SAMD3: variants seen among roughly 807,000 people sequenced by gnomAD.
SAMD3 encodes the protein sterile alpha motif domain-containing protein 3.
In SAMD3, 63 loss-of-function variants were observed where a neutral mutation model predicts 58.5. The observed-to-expected ratio is 1.08, with a 90% CI of 0.88 to 1.33. The LOEUF is 1.33. Ranked by LOEUF, SAMD3 falls within the 40% of genes most tolerant of loss-of-function variation. The pLI is 0.00. For missense variants in SAMD3, 604 were observed against 608.4 expected (o/e 0.99, Z 0.08); for synonymous variants, 220 against 210.3 (o/e 1.05, Z -0.40).
intron 5 of SAMD3, among the ~76,000 whole-genome samples, chr6:130,189,103 C>CAAAAAAAAA (rs71028200): frequency 7.2e-6 from 1 of 138,506 alleles, no homozygotes; most frequent in Non-Finnish European, 1.6e-5. Context: ...TTAAAAAAAC[C>CAAAAAAAAA]AAAAAAAAAA....
chr6:130,348,195 C>T (rs1207328212), intron 1 of SAMD3, among the ~76,000 whole-genome samples: 1 of 152,058 alleles, frequency 6.6e-6, no homozygotes, highest in Non-Finnish European at 1.5e-5. Flanking sequence ...CCAGTTAACA[C>T]CATAATGGCA....
chr6:130,294,626 ATTT>A (rs3029966), intron 2 of SAMD3, among the ~76,000 whole-genome samples: 2,259 of 146,196 alleles, frequency 0.015, 18 homozygotes, highest in Non-Finnish European at 0.02. Flanking sequence ...GCAAGGATTA[ATTT>A]TTTTTTTTTT....
chr6:130,211,276 ATTTTTT>A (rs762531402), intron 4 of SAMD3, among the ~76,000 whole-genome samples: 2,486 of 93,700 alleles, frequency 0.027, 57 homozygotes, highest in African/African-American at 0.097. Flanking sequence ...GCCAATCAGA[ATTTTTT>A]TTTTTTTTTT....
intron 2 of SAMD3, among the ~76,000 whole-genome samples, chr6:130,257,778 T>C (rs2114917995): frequency 6.6e-6 from 1 of 152,190 alleles, no homozygotes; most frequent in East Asian, 1.9e-4. Context: ...ACCCAGCAAA[T>C]AAACAATAAG....
intron 7 of SAMD3, among the ~76,000 whole-genome samples, chr6:130,182,564 G>C: frequency 6.7e-6 from 1 of 149,460 alleles, no homozygotes; most frequent in Non-Finnish European, 1.5e-5. Flanking sequence ...GGAAGGGAGG[G>C]AGAGAGGGAG....
rs939139872 is a variant in SAMD3 at position 130,262,668 on chromosome 6, A to G, written c.-187-39855T>C. On this transcript the variant is annotated intron_variant, in intron 2 of 13. Coordinates refer to the SAMD3 transcript ENST00000368134. ...AATTAGGCCTCCTAAATGTAAAACT[A>G]TTAAAGAAACAGTTTATGTGCAAGG... 3.7e-4 allele frequency among the ~76,000 whole-genome samples: 57 copies of G among 152,294 alleles called. 1 individual carries two copies. The highest frequency in any genetic ancestry group is 1.3e-3 in the African/African-American group (54 of 41,586).
intron 2 of SAMD3, among the ~76,000 whole-genome samples, chr6:130,310,083 A>G (rs1776092492): frequency 6.6e-6 from 1 of 152,234 alleles, no homozygotes; most frequent in Non-Finnish European, 1.5e-5. Context: ...AAAATAAAAG[A>G]AGAATCGTGT....
intron 7 of SAMD3, among the ~76,000 whole-genome samples, chr6:130,177,762 G>A (rs759721553): frequency 6.6e-6 from 1 of 151,144 alleles, no homozygotes; most frequent in Non-Finnish European, 1.5e-5. Context: ...CTTTCCTCTA[G>A]GCTATAAGCA....
At chr6:130,237,929 G>C (rs1481628401) in intron 2 of SAMD3, among the ~76,000 whole-genome samples, 2 of 152,072 alleles carry the variant, frequency 1.3e-5, no homozygotes, top group Non-Finnish European at 2.9e-5. Context: ...TCAATTCCAA[G>C]TCTAGGAAAC....
chr6:130,183,809 G>A (rs1335053452), intron 7 of SAMD3, among the ~76,000 whole-genome samples: 4 of 151,946 alleles, frequency 2.6e-5, no homozygotes, highest in Non-Finnish European at 4.4e-5. Flanking sequence ...TATGAAAAAG[G>A]GAAGACAAGG....
intron 2 of SAMD3, among the ~76,000 whole-genome samples, chr6:130,243,070 T>C (rs1773418562): frequency 6.6e-6 from 1 of 152,130 alleles, no homozygotes; most frequent in Admixed American, 6.6e-5. Context: ...CCTCCCAAAG[T>C]TGTTCCCCCG....
chr6:130,187,161 T>C (rs1245489595), intron 5 of SAMD3, among the ~76,000 whole-genome samples: 1 of 152,182 alleles, frequency 6.6e-6, no homozygotes, highest in Non-Finnish European at 1.5e-5. Flanking sequence ...CCAGTGATTT[T>C]CAAGTAGCTA....
chr6:130,170,716 T>C (rs1562391915), intron 8 of SAMD3, among the ~76,000 whole-genome samples: 1 of 152,220 alleles, frequency 6.6e-6, no homozygotes. Flanking sequence ...CAGTCGCAAA[T>C]GGGAGTTCAC....
chr6:130,292,119 C>T (rs1297568758), intron 2 of SAMD3, among the ~76,000 whole-genome samples: 1 of 152,068 alleles, frequency 6.6e-6, no homozygotes, highest in Non-Finnish European at 1.5e-5. Flanking sequence ...GAGCTGGCCA[C>T]CAAGGAAGGC....
chr6:130,201,070 T>C (rs1000743709), intron 5 of SAMD3, among the ~76,000 whole-genome samples: 1 of 152,168 alleles, frequency 6.6e-6, no homozygotes. Flanking sequence ...GTCCTGTTGA[T>C]TTTATATTTA....
chr6:130,339,683 C>T (rs184941885), intron 1 of SAMD3, among the ~76,000 whole-genome samples: 36 of 152,242 alleles, frequency 2.4e-4, no homozygotes, highest in East Asian at 1.9e-3. Flanking sequence ...TGAGAATGGA[C>T]GAAATCCACA....
chr6:130,224,607 A>ATTATTG (rs1350916986), upstream of SAMD3, among the ~76,000 whole-genome samples: 1 of 107,918 alleles, frequency 9.3e-6, no homozygotes, highest in Non-Finnish European at 1.6e-5. Context: ...TATTATTATT[A>ATTATTG]TTATTATTAT....
chr6:130,323,149 T>C (rs1014526750), intron 1 of SAMD3, among the ~76,000 whole-genome samples: 2 of 152,194 alleles, frequency 1.3e-5, no homozygotes, highest in Non-Finnish European at 2.9e-5. Flanking sequence ...ATTCTTCTGA[T>C]AGGTGAATGT....
intron 2 of SAMD3, among the ~76,000 whole-genome samples, chr6:130,252,321 T>C (rs1178680399): frequency 6.6e-6 from 1 of 152,192 alleles, no homozygotes; most frequent in African/African-American, 2.4e-5. Context: ...ATAGACAGCA[T>C]ATAATTAGAG....
Sources: allele counts gnomAD v4.1 joint callset (sites outside exome capture counted in the v4.1 genomes callset), GRCh38; gene constraint gnomAD v4.1.1; transcripts MANE v1.5; gene names NCBI Gene and HGNC (gene_info 2026-07-23, HGNC 2026-07-21).